CNTN4: variants seen among roughly 807,000 people sequenced by gnomAD.
CNTN4 encodes the protein contactin-4.
CNTN4 carries 77 observed loss-of-function variants against 122.5 expected under a neutral mutation model. The observed-to-expected ratio is 0.63, with a 90% confidence interval of 0.52 to 0.76. CNTN4 has a LOEUF of 0.76. Ranked by LOEUF, CNTN4 falls within the 30% of genes least tolerant of loss-of-function variation. CNTN4 has a pLI of 0.00. For synonymous variants in CNTN4, 512 were observed against 447.0 expected, an observed-to-expected ratio of 1.15 and a Z score of -1.83; for missense variants, 1,256 against 1,259.1, an observed-to-expected ratio of 1.00 and a Z score of 0.04.
intron 2 of CNTN4, among the ~76,000 whole-genome samples, chr3:2,108,312 T>A (rs941562225): frequency 5.3e-5 from 8 of 152,168 alleles, no homozygotes; most frequent in African/African-American, 1.9e-4. Context: ...TATTGAGGCA[T>A]AAAGAATGGC....
intron 3 of CNTN4, among the ~76,000 whole-genome samples, chr3:2,508,271 C>A (rs2076790214): frequency 6.6e-6 from 1 of 152,134 alleles, no homozygotes; most frequent in African/African-American, 2.4e-5. Flanking sequence ...AATTTCTGAA[C>A]CATCCCTTTT....
chr3:2,522,149 T>TG (rs1553678903), intron 3 of CNTN4, among the ~76,000 whole-genome samples: 10,964 of 63,384 alleles, frequency 0.17, 481 homozygotes, highest in Non-Finnish European at 0.23. Flanking sequence ...CCTAAGCAGT[T>TG]TGTGTGTGTG....
At chr3:2,520,388 T>C (rs1047306324) in intron 3 of CNTN4, among the ~76,000 whole-genome samples, 2 of 149,350 alleles carry the variant, frequency 1.3e-5, no homozygotes, top group Non-Finnish European at 3.0e-5. Context: ...TTCTTGTGCC[T>C]CAGCCTCCTG....
intron 7 of CNTN4, among the ~76,000 whole-genome samples, chr3:2,831,684 A>C (rs999519356): frequency 2.0e-5 from 3 of 152,228 alleles, no homozygotes; most frequent in African/African-American, 4.8e-5. Flanking sequence ...AAAACACTCC[A>C]TAGGACTTCA....
chr3:2,674,511 C>T (rs2084723235), intron 4 of CNTN4, among the ~76,000 whole-genome samples: 1 of 152,196 alleles, frequency 6.6e-6, no homozygotes, highest in Admixed American at 6.5e-5. Flanking sequence ...AATCCCAGCA[C>T]TTTGGGAGGC....
Position 2,773,762 on chromosome 3 carries a change from C to CTTTTTTTTTTTTTTTTTTTTTTTTTT in CNTN4, c.358+28081_358+28082insTTTTTTTTTTTTTTTTTTTTTTTTTT, listed in dbSNP as rs1234334638. 3.7e-5 allele frequency among the ~76,000 whole-genome samples: 4 copies of CTTTTTTTTTTTTTTTTTTTTTTTTTT among 107,522 alleles called. 1 individual carries two copies. Among genetic ancestry groups the CTTTTTTTTTTTTTTTTTTTTTTTTTT allele is most frequent in the African/African-American group, 1.4e-4 (4 of 28,806 alleles). 70.5% of individuals were successfully genotyped at this position (107,522 alleles called of 152,430 possible). On this transcript the variant is annotated intron_variant, in intron 6 of 24. Coordinates refer to ENST00000418658, the MANE Select transcript of CNTN4 (RefSeq NM_175607.3). ...GAAGCCTTCATCTCAATGTAGTAGA[C>CTTTTTTTTTTTTTTTTTTTTTTTTTT]TTTTTTTTTTTTTTTTGAGACGGAG... is the stretch of plus-strand genomic sequence containing the variant.
At chr3:2,368,187 A>G (rs966149560) in intron 3 of CNTN4, among the ~76,000 whole-genome samples, 8 of 72,974 alleles carry the variant, frequency 1.1e-4, no homozygotes, top group African/African-American at 3.3e-4. Flanking sequence ...GCCCGCCACC[A>G]CGCCCAGCTA....
At chr3:2,108,114 A>AC (rs972967512) in intron 2 of CNTN4, among the ~76,000 whole-genome samples, 3 of 150,110 alleles carry the variant, frequency 2.0e-5, no homozygotes, top group Non-Finnish European at 4.4e-5. Flanking sequence ...AGGCTTGCAG[A>AC]CCAACTGTAA....
At chr3:2,935,261 TA>T (rs2094557724) in intron 13 of CNTN4, among the ~76,000 whole-genome samples, 1 of 152,224 alleles carries the variant, frequency 6.6e-6, no homozygotes, top group African/African-American at 2.4e-5. Context: ...TGTGGTTATA[TA>T]ACTCAAGACA....
At chr3:2,611,365 A>C (rs1469419537) in intron 4 of CNTN4, among the ~76,000 whole-genome samples, 1 of 150,538 alleles carries the variant, frequency 6.6e-6, no homozygotes, top group Non-Finnish European at 1.5e-5. Flanking sequence ...TCTTCATCAC[A>C]GACAAGACTC....
chr3:2,464,466 A>G (rs1208712452), intron 3 of CNTN4, among the ~76,000 whole-genome samples: 1 of 152,226 alleles, frequency 6.6e-6, no homozygotes, highest in Non-Finnish European at 1.5e-5. Flanking sequence ...GGAAATAAAA[A>G]GTAGGCATAA....
intron 2 of CNTN4, among the ~76,000 whole-genome samples, chr3:2,179,993 C>T (rs1038388112): frequency 1.3e-5 from 2 of 151,606 alleles, no homozygotes; most frequent in Admixed American, 6.6e-5. Flanking sequence ...TTACTTATAG[C>T]ACATCTCAAT....
chr3:2,274,853 C>T (rs1020567279), intron 2 of CNTN4, among the ~76,000 whole-genome samples: 3 of 151,498 alleles, frequency 2.0e-5, no homozygotes, highest in African/African-American at 4.8e-5. Flanking sequence ...CTGGTTAATT[C>T]CTAGAACATA....
intron 3 of CNTN4, among the ~76,000 whole-genome samples, chr3:2,415,714 T>C (rs1288132357): frequency 6.6e-6 from 1 of 152,322 alleles, no homozygotes; most frequent in East Asian, 1.9e-4. Context: ...TAATATGATT[T>C]CTATAAGTTT....
chr3:2,226,098 G>A (rs1153524), intron 2 of CNTN4, among the ~76,000 whole-genome samples: 12,149 of 152,150 alleles, frequency 0.08, 614 homozygotes, highest in Non-Finnish European at 0.11. Context: ...GCATTGTGTA[G>A]ATATAAGACA....
At chr3:2,490,197 G>A (rs771046287) in intron 3 of CNTN4, among the ~76,000 whole-genome samples, 11 of 151,902 alleles carry the variant, frequency 7.2e-5, no homozygotes, top group Non-Finnish European at 1.2e-4. Context: ...TGCACCAGGG[G>A]CTTTTCCCCT....
intron 3 of CNTN4, among the ~76,000 whole-genome samples, chr3:2,547,898 T>C (rs1334774198): frequency 6.6e-6 from 1 of 152,124 alleles, no homozygotes; most frequent in African/African-American, 2.4e-5. Flanking sequence ...ACATGCGTAT[T>C]AAAGCTAACT....
intron 2 of CNTN4, among the ~76,000 whole-genome samples, chr3:2,170,211 T>TC (rs1202631697): frequency 1.3e-5 from 2 of 151,446 alleles, no homozygotes; most frequent in Non-Finnish European, 2.9e-5. Flanking sequence ...TCCCAGCTAC[T>TC]CGGGAGGCTG....
chr3:2,406,396 C>G (rs2047037547), intron 3 of CNTN4, among the ~76,000 whole-genome samples: 1 of 152,284 alleles, frequency 6.6e-6, no homozygotes, highest in African/African-American at 2.4e-5. Context: ...GAAGGACACT[C>G]TATAAATTAA....
Sources: allele counts gnomAD v4.1 joint callset (sites outside exome capture counted in the v4.1 genomes callset), GRCh38; gene constraint gnomAD v4.1.1; transcripts MANE v1.5; gene names NCBI Gene and HGNC (gene_info 2026-07-23, HGNC 2026-07-21).